Variants in EVI5 observed in about 807,000 individuals in gnomAD.
The protein encoded by EVI5 is ecotropic viral integration site 5.
EVI5 carries 73 observed loss-of-function variants against 112.0 expected under a neutral mutation model. That is an observed-to-expected ratio of 0.65 (90% CI 0.54 to 0.79). The LOEUF (loss-of-function observed/expected upper bound fraction) is 0.79, where lower values mean the gene tolerates loss of function less well. EVI5 is among the 30% of genes least tolerant of loss of function. The pLI is 0.00. For missense variants in EVI5, 900 were observed against 968.8 expected (o/e 0.93, Z 0.94); for synonymous variants, 305 against 319.9 (o/e 0.95, Z 0.50).
At chr1:92,594,207 C>A (rs553758774) in intron 18 of EVI5, among the ~76,000 whole-genome samples, 1 of 152,174 alleles carries the variant, frequency 6.6e-6, no homozygotes, top group African/African-American at 2.4e-5. Context: ...GGTACTGGTA[C>A]CAAAACAGAG....
chr1:92,712,046 CA>C (rs1445789660), intron 2 of EVI5, among the ~76,000 whole-genome samples: 1 of 152,186 alleles, frequency 6.6e-6, no homozygotes, highest in Non-Finnish European at 1.5e-5. Context: ...ATGAGGATTA[CA>C]GACTCCCAAA....
chr1:92,772,464 C>T (rs1006649741), intron 1 of EVI5, among the ~76,000 whole-genome samples: 1 of 151,766 alleles, frequency 6.6e-6, no homozygotes, highest in African/African-American at 2.4e-5. Flanking sequence ...GGCTTGGTGG[C>T]GGGTGCCTGT....
rs1351627262 is a variant in EVI5 at position 92,568,362 on chromosome 1, A to G, written c.2071-4625T>C. On this transcript the variant is annotated intron_variant, in intron 18 of 19. Transcript: ENST00000684568. ...CTACACTCCAGCCTGGGAGACAGCA[A>G]AAACCTATCTTAAAAAAAAAAAAAA... Among the ~76,000 whole-genome samples, 69 of 116,916 alleles carry G rather than the reference A, an allele frequency of 5.9e-4. 1 individual carries two copies. Among genetic ancestry groups the G allele is most frequent in the African/African-American group, 2.3e-3 (67 of 29,298 alleles). 76.7% of individuals were successfully genotyped at this position (116,916 alleles called of 152,430 possible). A position where few individuals can be genotyped will look rare whatever the true frequency, so the allele number is the denominator to read the frequency against.
intron 9 of EVI5, among the ~76,000 whole-genome samples, chr1:92,677,924 G>A (rs1667003312): frequency 6.6e-6 from 1 of 152,160 alleles, no homozygotes; most frequent in African/African-American, 2.4e-5. Flanking sequence ...CTGTTAAGAT[G>A]TACTGAGTTA....
chr1:92,618,441 G>T (rs190894611), intron 16 of EVI5, among the ~76,000 whole-genome samples: 4 of 152,324 alleles, frequency 2.6e-5, no homozygotes, highest in African/African-American at 4.8e-5. Flanking sequence ...TACAGTGTTG[G>T]CTGGGATGAC....
intron 2 of EVI5, among the ~76,000 whole-genome samples, chr1:92,736,128 A>G (rs1213544818): frequency 6.6e-6 from 1 of 151,888 alleles, no homozygotes; most frequent in African/African-American, 2.4e-5. Flanking sequence ...ATAAAGTTAT[A>G]GTTTCATTTA....
intron 9 of EVI5, among the ~76,000 whole-genome samples, chr1:92,686,433 A>G (rs955576074): frequency 7.9e-5 from 12 of 152,260 alleles, no homozygotes; most frequent in African/African-American, 2.4e-4. Flanking sequence ...CCCATAGCCA[A>G]TATCATACTG....
At chr1:92,594,558 T>C (rs1292826466) in intron 18 of EVI5, among the ~76,000 whole-genome samples, 22 of 149,174 alleles carry the variant, frequency 1.5e-4, no homozygotes, top group Non-Finnish European at 2.2e-4. Context: ...AAGCCAAAAT[T>C]GACAAATGGG....
chr1:92,664,486 A>T (rs945718880), intron 11 of EVI5, among the ~76,000 whole-genome samples: 3 of 976 alleles, frequency 3.1e-3, no homozygotes, highest in Non-Finnish European at 5.6e-3. Flanking sequence ...CCAAAGATTT[A>T]AAAAAAAAAA....
intron 1 of EVI5, chr1:92,756,606 G>A (rs997211497): frequency 5.6e-5 from 28 of 502,450 alleles, no homozygotes; most frequent in Non-Finnish European, 4.1e-6. Context: ...GACCTCAAAT[G>A]GCACAACTAA....
At chr1:92,682,528 G>A (rs949275625) in intron 9 of EVI5, among the ~76,000 whole-genome samples, 2 of 152,128 alleles carry the variant, frequency 1.3e-5, no homozygotes, top group African/African-American at 2.4e-5. Context: ...TTGGGAGGCC[G>A]AGGTGGGTGG....
chr1:92,691,379 GA>G (rs150053056), intron 9 of EVI5, among the ~76,000 whole-genome samples: 2,925 of 151,832 alleles, frequency 0.019, 110 homozygotes, highest in African/African-American at 0.065. Flanking sequence ...GAAATACTTT[GA>G]AAAAAATAAA....
intron 16 of EVI5, among the ~76,000 whole-genome samples, chr1:92,620,915 AATGT>A (rs1174390289): frequency 6.6e-6 from 1 of 152,166 alleles, no homozygotes; most frequent in Non-Finnish European, 1.5e-5. Context: ...CAATATGTAA[AATGT>A]ATGACAATTT....
chr1:92,526,414 A>C (rs1661892869), intron 19 of EVI5, among the ~76,000 whole-genome samples: 1 of 152,196 alleles, frequency 6.6e-6, no homozygotes, highest in Admixed American at 6.5e-5. Context: ...TGAAAAGCCT[A>C]ATTAGATACA....
At chr1:92,582,415 A>C (rs1037348465) in intron 18 of EVI5, among the ~76,000 whole-genome samples, 2 of 152,202 alleles carry the variant, frequency 1.3e-5, no homozygotes, top group Non-Finnish European at 2.9e-5. Flanking sequence ...CCTACTTTAC[A>C]AAGGTGGTCA....
At chr1:92,785,837 T>G (rs1685576575), upstream of EVI5, among the ~76,000 whole-genome samples, 2 of 151,834 alleles carry the variant, frequency 1.3e-5, no homozygotes, top group South Asian at 4.2e-4. Flanking sequence ...CCCAACACTT[T>G]GGGAGGCCGA....
At chr1:92,613,126 G>C (rs146560073) in intron 16 of EVI5, among the ~76,000 whole-genome samples, 243 of 152,108 alleles carry the variant, frequency 1.6e-3, no homozygotes, top group Non-Finnish European at 2.8e-3. Flanking sequence ...TCAGGGCCAA[G>C]AAACGCTGCT....
chr1:92,663,002 A>C, intron 12 of EVI5, 137 bp from the exon 13 acceptor site: 1 of 356,574 alleles, frequency 2.8e-6, no homozygotes, highest in Non-Finnish European at 4.3e-6. Context: ...CAGCCTACGT[A>C]ATCATTAGCT....
intron 19 of EVI5, among the ~76,000 whole-genome samples, chr1:92,542,168 C>G (rs1469725265): frequency 6.6e-6 from 1 of 152,216 alleles, no homozygotes. Flanking sequence ...CCTGCCACTG[C>G]TTTATCAACT....
Sources: gnomAD v4.1 joint callset for allele counts (sites outside exome capture counted in the v4.1 genomes callset) on GRCh38, gnomAD v4.1.1 for gene constraint, MANE v1.5 for transcripts, NCBI Gene and HGNC (gene_info 2026-07-23, HGNC 2026-07-21) for gene names.